Variants in FHIT observed in about 807,000 individuals in gnomAD.
FHIT encodes the protein bis(5'-adenosyl)-triphosphatase.
In FHIT, 19 loss-of-function variants were observed where a neutral mutation model predicts 17.9. That is an observed-to-expected ratio of 1.06 (90% CI 0.74 to 1.56). FHIT has a LOEUF of 1.56. Ranked by LOEUF, FHIT falls within the 40% of genes most tolerant of loss-of-function variation. The pLI, the probability that FHIT is intolerant of heterozygous loss-of-function variation, is 0.00. For synonymous variants in FHIT, 81 were observed against 69.7 expected, an observed-to-expected ratio of 1.16 and a Z score of -0.81; for missense variants, 248 against 189.2, an observed-to-expected ratio of 1.31 and a Z score of -1.82.
rs574127751 is a variant in FHIT, at chr3:60,901,146, A to T, written c.-110-79135T>A. ...AATTTACTTTCTTTAAATTAATTTTATTTTGTTTTTCCTTAGCTTTAGGCT... is the reference window on the plus strand; with the variant it reads ...AATTTACTTTCTTTAAATTAATTTTTTTTTGTTTTTCCTTAGCTTTAGGCT... On this transcript the variant is annotated intron_variant, in intron 3 of 9. Coordinates refer to ENST00000492590, the MANE Select transcript of FHIT (RefSeq NM_002012.4). Among the ~76,000 whole-genome samples, 20 of 152,278 alleles carry T rather than the reference A, an allele frequency of 1.3e-4. No homozygotes were observed. The South Asian group carries it at 4.1e-3, about 32-fold the overall frequency.
intron 5 of FHIT, among the ~76,000 whole-genome samples, chr3:60,083,369 A>G (rs1272858730): frequency 6.6e-6 from 1 of 152,074 alleles, no homozygotes; most frequent in Admixed American, 6.6e-5. Flanking sequence ...CTTATAGTAC[A>G]GTTTGAAGTC....
chr3:61,105,421 T>C (rs1208060089), intron 2 of FHIT, among the ~76,000 whole-genome samples: 2 of 152,174 alleles, frequency 1.3e-5, no homozygotes, highest in Non-Finnish European at 2.9e-5. Flanking sequence ...GGAAATGGCA[T>C]TGCTTTATTT....
At chr3:60,944,375 C>G (rs1235450755) in intron 3 of FHIT, among the ~76,000 whole-genome samples, 1 of 151,690 alleles carries the variant, frequency 6.6e-6, no homozygotes, top group Non-Finnish European at 1.5e-5. Flanking sequence ...TTCTCAGTAT[C>G]ACTGGAACCA....
At chr3:60,289,349 T>C (rs1013600305) in intron 5 of FHIT, among the ~76,000 whole-genome samples, 1 of 152,310 alleles carries the variant, frequency 6.6e-6, no homozygotes, top group South Asian at 2.1e-4. Context: ...TTTACAGAAG[T>C]GCTACATTAA....
At chr3:60,984,530 A>C (rs1710636305) in intron 3 of FHIT, among the ~76,000 whole-genome samples, 2 of 152,304 alleles carry the variant, frequency 1.3e-5, no homozygotes, top group East Asian at 3.9e-4. Context: ...CTAAAACTTC[A>C]CTGGATCTGA....
At chr3:61,017,151 A>G (rs980895516) in intron 3 of FHIT, among the ~76,000 whole-genome samples, 1 of 152,172 alleles carries the variant, frequency 6.6e-6, no homozygotes, top group African/African-American at 2.4e-5. Context: ...TTAGCAAGGT[A>G]TGCTGGCAGG....
chr3:60,262,944 T>A (rs1217947254), intron 5 of FHIT, among the ~76,000 whole-genome samples: 1 of 151,868 alleles, frequency 6.6e-6, no homozygotes, highest in African/African-American at 2.4e-5. Flanking sequence ...AGTCACAGAC[T>A]AGAAGAACAT....
rs1340971618 is a variant in FHIT at position 60,523,430 on chromosome 3, A to G, written c.103+13430T>C. On this transcript the variant is annotated intron_variant, in intron 5 of 9. Transcript: ENST00000492590. ...TGAATAAACAAACTAAAATTGTCTA[A>G]TGGAAATTTCCTTGATTATTATAGA... is the stretch of plus-strand genomic sequence containing the variant. Among the ~76,000 whole-genome samples, 3 of 152,306 alleles carry G rather than the reference A, an allele frequency of 2.0e-5. No homozygotes were observed. The East Asian group carries it at 5.8e-4, about 29-fold the overall frequency.
intron 5 of FHIT, among the ~76,000 whole-genome samples, chr3:60,089,491 G>C (rs1030498672): frequency 6.6e-6 from 1 of 152,048 alleles, no homozygotes; most frequent in African/African-American, 2.4e-5. Context: ...ATGGTTGAGT[G>C]GATAAATGGA....
chr3:59,982,916 T>G (rs972317656), intron 7 of FHIT, among the ~76,000 whole-genome samples: 10 of 152,086 alleles, frequency 6.6e-5, no homozygotes, highest in Non-Finnish European at 1.3e-4. Context: ...AAGGAAAAGA[T>G]GAAGTCCTAT....
chr3:60,985,410 T>C (rs572140447), intron 3 of FHIT, among the ~76,000 whole-genome samples: 36 of 152,250 alleles, frequency 2.4e-4, no homozygotes, highest in African/African-American at 8.4e-4. Context: ...ATATTTTCTT[T>C]CCTTTGAGAA....
intron 3 of FHIT, among the ~76,000 whole-genome samples, chr3:60,894,418 G>A (rs1705680527): frequency 1.3e-5 from 2 of 152,160 alleles, no homozygotes; most frequent in African/African-American, 2.4e-5. Context: ...GAGAGAAGGA[G>A]CACATAAATT....
chr3:60,492,040 G>C (rs1404365188), intron 5 of FHIT, among the ~76,000 whole-genome samples: 1 of 152,084 alleles, frequency 6.6e-6, no homozygotes, highest in African/African-American at 2.4e-5. Context: ...AACTATCCTG[G>C]TGGAATGTTG....
intron 5 of FHIT, among the ~76,000 whole-genome samples, chr3:60,281,460 G>C (rs1484523000): frequency 5.9e-5 from 9 of 152,142 alleles, no homozygotes; most frequent in Admixed American, 6.5e-5. Context: ...GATCAAGACA[G>C]CATGGTACTG....
At chr3:59,898,653 T>C (rs777575802) in intron 8 of FHIT, among the ~76,000 whole-genome samples, 1 of 152,192 alleles carries the variant, frequency 6.6e-6, no homozygotes, top group Non-Finnish European at 1.5e-5. Context: ...TTTTTCTTCT[T>C]TTTTTGGTAC....
intron 7 of FHIT, among the ~76,000 whole-genome samples, chr3:59,967,335 T>C (rs1575783418): frequency 6.6e-6 from 1 of 152,206 alleles, no homozygotes; most frequent in East Asian, 1.9e-4. Flanking sequence ...TAGTCGTTTA[T>C]TATCAAGTAT....
rs141018006 is a variant in FHIT at position 60,531,165 on chromosome 3, A to C, written c.103+5695T>G. 3.5e-4 allele frequency among the ~76,000 whole-genome samples: 54 copies of C among 152,336 alleles called. No individual in the cohort carries two copies. In the East Asian group the frequency reaches 0.01, roughly 29 times the overall value. On this transcript the variant is annotated intron_variant, in intron 5 of 9. Transcript: ENST00000492590. Reference sequence around the variant, plus strand: ...AACAAGCATGCACAGAGCAAAGACAAGACATGTGCTTAGGGAAATTTTAAG... The same window carrying C: ...AACAAGCATGCACAGAGCAAAGACACGACATGTGCTTAGGGAAATTTTAAG...
At chr3:60,072,897 A>G (rs1702842274) in intron 5 of FHIT, among the ~76,000 whole-genome samples, 1 of 152,166 alleles carries the variant, frequency 6.6e-6, no homozygotes, top group South Asian at 2.1e-4. Flanking sequence ...AGATTCAACC[A>G]TCTCCTTCTC....
intron 5 of FHIT, among the ~76,000 whole-genome samples, chr3:60,246,457 G>A (rs905580059): frequency 5.3e-5 from 8 of 152,032 alleles, no homozygotes; most frequent in African/African-American, 1.9e-4. Flanking sequence ...AATGTCCCGT[G>A]GATTTTATTT....
Sources: gnomAD v4.1 joint callset for allele counts (sites outside exome capture counted in the v4.1 genomes callset) on GRCh38, gnomAD v4.1.1 for gene constraint, MANE v1.5 for transcripts, NCBI Gene and HGNC (gene_info 2026-07-23, HGNC 2026-07-21) for gene names.